DKK2: variants seen among roughly 807,000 people sequenced by gnomAD.
DKK2 encodes the protein dickkopf Wnt signaling pathway inhibitor 2.
Under a neutral mutation model 28.1 loss-of-function variants are expected in DKK2, and 11 were observed. The ratio of observed to expected loss-of-function variants is 0.39; its 90% confidence interval spans 0.25 to 0.65. DKK2 has a LOEUF of 0.65. DKK2 is among the 30% of genes least tolerant of loss of function. The probability of loss-of-function intolerance (pLI) is 0.47; values close to 1 mark genes in which losing one functional copy is unlikely to be tolerated. For synonymous variants in DKK2, 135 were observed against 126.5 expected, an observed-to-expected ratio of 1.07 and a Z score of -0.45; for missense variants, 326 against 335.5, an observed-to-expected ratio of 0.97 and a Z score of 0.22.
chr4:107,015,854 A>C (rs565190583), intron 1 of DKK2, among the ~76,000 whole-genome samples: 1 of 151,782 alleles, frequency 6.6e-6, no homozygotes, highest in Non-Finnish European at 1.5e-5. Context: ...AAATTTAGGC[A>C]AAAGCAGATG....
chr4:106,985,815 CAAA>C (rs112120001), intron 1 of DKK2, among the ~76,000 whole-genome samples: 4 of 79,468 alleles, frequency 5.0e-5, no homozygotes, highest in Admixed American at 1.1e-4. Flanking sequence ...GACTCCGTCT[CAAA>C]AAAAAAAAAA....
chr4:107,034,443 G>T (rs948525695), intron 1 of DKK2, among the ~76,000 whole-genome samples: 7 of 151,108 alleles, frequency 4.6e-5, no homozygotes, highest in African/African-American at 1.7e-4. Context: ...TGGCCACAGC[G>T]CGCCAGCCAC....
At chr4:106,930,564 A>G (rs1222843611) in intron 1 of DKK2, among the ~76,000 whole-genome samples, 1 of 152,204 alleles carries the variant, frequency 6.6e-6, no homozygotes, top group Non-Finnish European at 1.5e-5. Context: ...TTTAATGATG[A>G]GAGGAAGAAA....
At chr4:106,974,241 T>G (rs1289395049) in intron 1 of DKK2, among the ~76,000 whole-genome samples, 2 of 152,144 alleles carry the variant, frequency 1.3e-5, no homozygotes, top group Non-Finnish European at 2.9e-5. Context: ...TTTGGGTCCA[T>G]ATGAAATTAA....
chr4:106,967,126 A>C (rs1722794435), intron 1 of DKK2, among the ~76,000 whole-genome samples: 1 of 152,184 alleles, frequency 6.6e-6, no homozygotes, highest in Non-Finnish European at 1.5e-5. Flanking sequence ...AATATTGAGC[A>C]CTTATCACAG....
intron 1 of DKK2, among the ~76,000 whole-genome samples, chr4:107,001,550 G>A (rs1224195434): frequency 2.6e-5 from 4 of 152,094 alleles, no homozygotes; most frequent in East Asian, 1.9e-4. Context: ...AAAAAAACGA[G>A]TACTCTTTAA....
At chr4:106,986,840 G>A (rs575800455) in intron 1 of DKK2, among the ~76,000 whole-genome samples, 3 of 152,276 alleles carry the variant, frequency 2.0e-5, no homozygotes, top group African/African-American at 4.8e-5. Context: ...TTATATCACA[G>A]AGCTGCTAGC....
Position 106,989,715 on chromosome 4 carries a change from A to T in DKK2, c.222+45655T>A, listed in dbSNP as rs563241051. Among the ~76,000 whole-genome samples, 132 of 152,342 alleles carry T rather than the reference A, an allele frequency of 8.7e-4. 1 individual carries two copies. Among genetic ancestry groups the T allele is most frequent in the Middle Eastern group, 6.8e-3 (2 of 294 alleles). Reference sequence around the variant, plus strand: ...AATTTAGCTCACAAGGAATAAAATGAATTAATCATAGTAGATTGTTCTGTT... The same window carrying T: ...AATTTAGCTCACAAGGAATAAAATGTATTAATCATAGTAGATTGTTCTGTT... On this transcript the variant is annotated intron_variant, in intron 1 of 3. Transcript: ENST00000285311.
rs536309836 is a variant in DKK2 at position 106,987,890 on chromosome 4, A to C, written c.222+47480T>G. Among the ~76,000 whole-genome samples, 459 of 139,500 alleles carry C rather than the reference A, an allele frequency of 3.3e-3. 2 individuals carry two copies. Among genetic ancestry groups the C allele is most frequent in the Non-Finnish European group, 4.9e-3 (319 of 65,640 alleles). 91.5% of individuals were successfully genotyped at this position (139,500 alleles called of 152,430 possible). ...TCTTTTTTTTTTTTTTTTGAGATGG[A>C]GTCTCAATCTGTTGCCAGGCTGGAG... On this transcript the variant is annotated intron_variant, in intron 1 of 3. Transcript: ENST00000285311.
At chr4:106,934,780 T>C (rs1174263862) in intron 1 of DKK2, among the ~76,000 whole-genome samples, 1 of 152,160 alleles carries the variant, frequency 6.6e-6, no homozygotes, top group Non-Finnish European at 1.5e-5. Context: ...GTTGGGAAGA[T>C]AGAAAAAAGC....
At chr4:106,977,473 C>T (rs1206181570) in intron 1 of DKK2, among the ~76,000 whole-genome samples, 1 of 152,208 alleles carries the variant, frequency 6.6e-6, no homozygotes, top group East Asian at 1.9e-4. Flanking sequence ...TGTCTTCATG[C>T]TTTATTTCAT....
chr4:106,937,717 G>C (rs1724619353), intron 1 of DKK2, among the ~76,000 whole-genome samples: 1 of 140,444 alleles, frequency 7.1e-6, no homozygotes, highest in African/African-American at 2.6e-5. Context: ...ATACTTGGAA[G>C]TAAAGCTCTC....
Position 106,991,589 on chromosome 4 carries a change from A to C in DKK2, c.222+43781T>G, listed in dbSNP as rs1043841224. Among the ~76,000 whole-genome samples the C allele has an allele frequency of 5.9e-5, 9 of 152,262 alleles. 1 individual carries two copies. The highest frequency in any genetic ancestry group is 5.9e-4 in the Admixed American group (9 of 15,290). ...TTAACCTACATTTCTAAAGTCCTAT[A>C]TGAGCACATCCATGCAGCCAGATCA... On this transcript the variant is annotated intron_variant, in intron 1 of 3. Coordinates refer to ENST00000285311, the MANE Select transcript of DKK2 (RefSeq NM_014421.3).
intron 1 of DKK2, 105 bp from the exon 2 acceptor site, chr4:106,926,054 C>T (rs1311714410): frequency 6.4e-6 from 8 of 1,258,518 alleles, no homozygotes; most frequent in Non-Finnish European, 8.6e-6. Context: ...CAATATATCT[C>T]ACCCGGAAGG....
chr4:106,960,222 T>C (rs890492801), intron 1 of DKK2, among the ~76,000 whole-genome samples: 1 of 151,220 alleles, frequency 6.6e-6, no homozygotes, highest in Non-Finnish European at 1.5e-5. Context: ...ATATATAAAA[T>C]ATGGAATACT....
rs567990574 is a variant in DKK2 at position 106,987,426 on chromosome 4, C to A, written c.222+47944G>T. ...TTCAATTTCTCTTGCTTGTCTAACA[C>A]CCACGTCCCTTTCTTGTGTAACACC... On this transcript the variant is annotated intron_variant, in intron 1 of 3. Transcript: ENST00000285311. Among the ~76,000 whole-genome samples the A allele has an allele frequency of 6.6e-5, 10 of 152,292 alleles. No homozygotes were observed. The East Asian group carries it at 1.9e-3, about 29-fold the overall frequency.
At position 107,019,185 on chromosome 4, in the gene DKK2, T is replaced by C. The variant is rs2110372529; in HGVS notation, c.222+16185A>G. Among the ~76,000 whole-genome samples, 5 of 152,100 alleles carry C rather than the reference T, an allele frequency of 3.3e-5. No homozygotes were observed. In the Middle Eastern group the frequency reaches 0.017, roughly 517 times the overall value. Reference sequence around the variant, plus strand: ...AAACAAAACAAAATAGAACTCCAACTTGGGAAAAAACCAATCTCATTCACT... The same window carrying C: ...AAACAAAACAAAATAGAACTCCAACCTGGGAAAAAACCAATCTCATTCACT... On this transcript the variant is annotated intron_variant, in intron 1 of 3. Coordinates refer to ENST00000285311, the MANE Select transcript of DKK2 (RefSeq NM_014421.3).
chr4:107,025,650 C>T (rs1421100386), intron 1 of DKK2, among the ~76,000 whole-genome samples: 2 of 152,206 alleles, frequency 1.3e-5, no homozygotes, highest in East Asian at 3.9e-4. Flanking sequence ...GCTGTGCAGA[C>T]TTTCCAGCCA....
At chr4:106,997,551 A>G (rs562016239) in intron 1 of DKK2, among the ~76,000 whole-genome samples, 2 of 151,758 alleles carry the variant, frequency 1.3e-5, no homozygotes, top group South Asian at 4.1e-4. Context: ...TTATTTCTCA[A>G]TTCCCTTAGA....
Sources: gnomAD v4.1 joint callset for allele counts (sites outside exome capture counted in the v4.1 genomes callset) on GRCh38, gnomAD v4.1.1 for gene constraint, MANE v1.5 for transcripts, NCBI Gene and HGNC (gene_info 2026-07-23, HGNC 2026-07-21) for gene names.